Variants in TMEM132E observed in about 807,000 individuals in gnomAD.
The protein encoded by TMEM132E is transmembrane protein 132E.
TMEM132E carries 49 observed loss-of-function variants against 78.5 expected under a neutral mutation model. That is an observed-to-expected ratio of 0.62 (90% CI 0.50 to 0.79). The LOEUF (loss-of-function observed/expected upper bound fraction) is 0.79. Ranked by LOEUF, TMEM132E falls within the 30% of genes least tolerant of loss-of-function variation. The pLI, the probability that TMEM132E is intolerant of heterozygous loss-of-function variation, is 0.00. For synonymous variants in TMEM132E, 715 were observed against 670.6 expected, an observed-to-expected ratio of 1.07 and a Z score of -1.02; for missense variants, 1,403 against 1,470.9, an observed-to-expected ratio of 0.95 and a Z score of 0.75.
chr17:34,607,539 C>G (rs1389689250), intron 1 of TMEM132E, among the ~76,000 whole-genome samples: 4 of 152,166 alleles, frequency 2.6e-5, no homozygotes, highest in African/African-American at 9.7e-5. Flanking sequence ...GTCCACAATT[C>G]AATTTAGTTC....
At chr17:34,613,668 C>A (rs1355043209) in intron 1 of TMEM132E, among the ~76,000 whole-genome samples, 1 of 152,102 alleles carries the variant, frequency 6.6e-6, no homozygotes, top group African/African-American at 2.4e-5. Context: ...CTCCCCTGTT[C>A]TCAGCCCTTC....
intron 1 of TMEM132E, among the ~76,000 whole-genome samples, chr17:34,611,069 T>C (rs981034704): frequency 2.2e-4 from 33 of 152,370 alleles, no homozygotes; most frequent in African/African-American, 7.7e-4. Flanking sequence ...CCATAGCCTC[T>C]AGTCATGTGA....
rs759410398 is a variant in TMEM132E, at chr17:34,638,267, C to A, written c.*35C>A. 6.6e-6 allele frequency: 9 copies of A among 1,372,984 alleles called. No individual in the cohort carries two copies. Among genetic ancestry groups the A allele is most frequent in the Non-Finnish European group, 6.6e-6 (7 of 1,059,752 alleles). The allele number at this position is 1,372,984 out of a possible 1,614,324, so 85.1% of individuals were successfully genotyped here. A position where few individuals can be genotyped will look rare whatever the true frequency, so the allele number is the denominator to read the frequency against. ...CCGGAGTAGCAGGGACCCCCCCCCC[C>A]AACGGGGTCAGCTCGGGGTAGGACA... On this transcript the variant is annotated 3_prime_UTR_variant, in exon 9 of 9. Coordinates refer to ENST00000631683, the MANE Select transcript of TMEM132E (RefSeq NM_001304438.2).
rs771898286 is a variant in TMEM132E at position 34,630,083 on chromosome 17, G to A, written c.1414G>A (p.Val472Met). ...CCCTGTCAAGGTCATTGCCATCGAG[G>A]TGAATGGCCTCGTCCTGGACATCTC... ...AIPVKVIAIEVNGLVLDISAL... is the reference protein window; with the variant it reads ...AIPVKVIAIEMNGLVLDISAL... The change falls in exon 5 of 9, where the codon GTG becomes ATG. Residue 472 changes from valine to methionine, a missense_variant. Val to Met is a conservative substitution (Grantham distance 21). This residue lies in a region of TMEM132E where 888 missense variants were observed against 952.8 expected (regional missense o/e 0.93). Transcript: ENST00000631683. 9 of 1,613,746 alleles carry A rather than the reference G, an allele frequency of 5.6e-6. No individual in the cohort carries two copies. The highest frequency in any genetic ancestry group is 7.6e-6 in the Non-Finnish European group (9 of 1,179,694).
chr17:34,620,991 G>C (rs529640179), intron 1 of TMEM132E, among the ~76,000 whole-genome samples: 1 of 152,190 alleles, frequency 6.6e-6, no homozygotes, highest in African/African-American at 2.4e-5. Flanking sequence ...AGGGTCCCTC[G>C]CTAAGCACAG....
chr17:34,622,549 C>T (rs1906993321), intron 1 of TMEM132E, among the ~76,000 whole-genome samples: 1 of 152,232 alleles, frequency 6.6e-6, no homozygotes, highest in Admixed American at 6.5e-5. Context: ...TTCTTATCTG[C>T]AAGGTTGCTG....
intron 1 of TMEM132E, among the ~76,000 whole-genome samples, chr17:34,581,729 G>GAAT (rs1284427609): frequency 6.6e-6 from 1 of 151,980 alleles, no homozygotes; most frequent in Non-Finnish European, 1.5e-5. Flanking sequence ...CGGAGGGCGG[G>GAAT]GGTCTGGGCA....
At position 34,626,376 on chromosome 17, in the gene TMEM132E, A is replaced by T. The variant is rs766389805; in HGVS notation, c.317A>T (p.Glu106Val). The change falls in exon 2 of 9, where the codon GAG becomes GTG. Residue 106 changes from glutamate to valine, a missense_variant. Glu to Val is a moderately radical substitution (Grantham distance 121, BLOSUM62 -2). Transcript: ENST00000631683. ...AGCACCAGCCAGGTGGTGGCGCGGG[A>T]GCTCCTGCAGCCGTCCAGCACCCTG... ...PFSTSQVVAR[E>V]LLQPSSTLDI... 1.9e-6 allele frequency: 3 copies of T among 1,613,134 alleles called. No homozygotes were observed. Among genetic ancestry groups the T allele is most frequent in the South Asian group, 2.2e-5 (2 of 90,940 alleles).
At position 34,638,395 on chromosome 17, in the gene TMEM132E, G is replaced by A. The variant is rs1907624813; in HGVS notation, c.*163G>A. The A allele has an allele frequency of 1.4e-6, 1 of 726,994 alleles. No homozygotes were observed. The highest frequency in any genetic ancestry group is 3.2e-5 in the Admixed American group (1 of 31,484). 45.0% of individuals were successfully genotyped at this position (726,994 alleles called of 1,614,324 possible). On this transcript the variant is annotated 3_prime_UTR_variant, in exon 9 of 9. Coordinates refer to ENST00000631683, the MANE Select transcript of TMEM132E (RefSeq NM_001304438.2). ...TGCGGAGCGGGCCGCCTCAGTGTCT[G>A]GGCCTTCCCTCGCCTCACGCCATTA...
At chr17:34,581,202 C>T (rs1226609475) in intron 1 of TMEM132E, 59 bp downstream of exon 1, 146 of 1,423,148 alleles carry the variant, frequency 1.0e-4, no homozygotes, top group Non-Finnish European at 1.3e-4. Context: ...GGAGGGGGTA[C>T]GGGGAAGACT....
At position 34,581,137 on chromosome 17, in the gene TMEM132E, G is replaced by A; in HGVS notation, c.61G>A (p.Ala21Thr). The change falls in exon 1 of 9, where the codon GCC (alanine) becomes ACC (threonine). Residue 21 changes from alanine to threonine, a missense_variant. Physicochemically the swap from Ala to Thr is moderately conservative, Grantham distance 58 (BLOSUM62 0). Coordinates refer to ENST00000631683, the MANE Select transcript of TMEM132E (RefSeq NM_001304438.2). ...CCTGCTCTGCCTCTCAGCGCTACTC[G>A]CCCACGGTAAGTGTCGCGGCGCGGA... ...AALLCLSALL[A>T]HASGRSHPAS... The A allele has an allele frequency of 6.6e-7, 1 of 1,519,182 alleles. No homozygotes were observed. The highest frequency in any genetic ancestry group is 8.8e-7 in the Non-Finnish European group (1 of 1,138,480). 94.1% of individuals were successfully genotyped at this position (1,519,182 alleles called of 1,614,324 possible).
intron 3 of TMEM132E, 134 bp from the exon 4 acceptor site, chr17:34,628,878 G>T: frequency 7.2e-7 from 1 of 1,381,518 alleles, no homozygotes; most frequent in East Asian, 2.4e-5. Context: ...CACCTCAGAT[G>T]GGCTGGAGAA....
chr17:34,582,688 G>A (rs1164872652), intron 1 of TMEM132E, among the ~76,000 whole-genome samples: 1 of 152,144 alleles, frequency 6.6e-6, no homozygotes, highest in Admixed American at 6.5e-5. Context: ...AATGAAGGTG[G>A]GGGAGAGGGA....
At chr17:34,632,624 T>C in intron 5 of TMEM132E, 80 bp from the exon 6 acceptor site, 1 of 1,486,810 alleles carries the variant, frequency 6.7e-7, no homozygotes, top group Non-Finnish European at 9.4e-7. Context: ...CCAGCCCTGG[T>C]TGTCAGACTG....
intron 7 of TMEM132E, 79 bp downstream of exon 7, chr17:34,635,166 C>T (rs2142086987): frequency 2.1e-6 from 3 of 1,456,766 alleles, no homozygotes; most frequent in Non-Finnish European, 2.7e-6. Flanking sequence ...CTCAGATTTT[C>T]CTAACCCCAA....
At chr17:34,614,447 A>T (rs1906711376) in intron 1 of TMEM132E, 2 of 152,192 alleles carry the variant, frequency 1.3e-5, no homozygotes, top group Non-Finnish European at 2.9e-5. Context: ...GTGTTTCAGA[A>T]ATAAAAGAGC....
At chr17:34,614,475 G>A (rs1384734602) in intron 1 of TMEM132E, 4 of 152,158 alleles carry the variant, frequency 2.6e-5, no homozygotes, top group East Asian at 1.9e-4. Flanking sequence ...AGGGGTAAGC[G>A]ATGCTTGATT....
rs1448591539 is a variant in TMEM132E, at chr17:34,580,921, G to A, written c.-156G>A. Reference sequence around the variant, plus strand: ...CCAGCGCCTGGGACGCCCCCTCCCCGCAAAGTGTCCCCGAATTGCACTCTC... The same window carrying A: ...CCAGCGCCTGGGACGCCCCCTCCCCACAAAGTGTCCCCGAATTGCACTCTC... On this transcript the variant is annotated 5_prime_UTR_variant, in exon 1 of 9. Coordinates refer to ENST00000631683, the MANE Select transcript of TMEM132E (RefSeq NM_001304438.2). 3 of 500,544 alleles carry A rather than the reference G, an allele frequency of 6.0e-6. No homozygotes were observed. The highest frequency in any genetic ancestry group is 7.1e-5 in the South Asian group (2 of 28,276). The allele number at this position is 500,544 out of a possible 1,614,324, so 31.0% of individuals were successfully genotyped here.
intron 1 of TMEM132E, among the ~76,000 whole-genome samples, chr17:34,617,370 T>C (rs1337112373): frequency 6.6e-6 from 1 of 152,218 alleles, no homozygotes; most frequent in Non-Finnish European, 1.5e-5. Context: ...GTGCCTGTCA[T>C]CTCTGTACTT....
Sources: allele counts gnomAD v4.1 joint callset (sites outside exome capture counted in the v4.1 genomes callset), GRCh38; gene constraint gnomAD v4.1.1; regional missense constraint gnomAD v4.1.1; transcripts MANE v1.5; gene names NCBI Gene and HGNC (gene_info 2026-07-23, HGNC 2026-07-21).